The following MAGI1 variants were observed in gnomAD, a reference collection of about 807,000 sequenced individuals.
MAGI1 encodes the protein membrane associated guanylate kinase, WW and PDZ domain containing 1.
In MAGI1, 58 loss-of-function variants were observed where a neutral mutation model predicts 139.9. The ratio of observed to expected loss-of-function variants is 0.41; its 90% CI spans 0.34 to 0.52. MAGI1 has a LOEUF of 0.52. Among genes scored for constraint, MAGI1 ranks in the 20% least tolerant of loss-of-function variants. MAGI1 has a pLI of 0.12. For synonymous variants in MAGI1, 812 were observed against 737.9 expected, an observed-to-expected ratio of 1.10 and a Z score of -1.63; for missense variants, 1,874 against 1,901.6, an observed-to-expected ratio of 0.99 and a Z score of 0.27.
intron 1 of MAGI1, among the ~76,000 whole-genome samples, chr3:65,748,306 T>A (rs1264330522): frequency 1.3e-5 from 2 of 152,202 alleles, no homozygotes; most frequent in African/African-American, 2.4e-5. Context: ...CCATGCCCAC[T>A]TTCTTGTGTG....
chr3:65,854,597 C>T (rs2059311378), intron 1 of MAGI1, among the ~76,000 whole-genome samples: 2 of 152,212 alleles, frequency 1.3e-5, no homozygotes, highest in South Asian at 4.1e-4. Context: ...CATGGAAAAG[C>T]TCAATGCTGT....
rs182523004 is a variant in MAGI1 at position 65,478,995 on chromosome 3, A to G, written c.551-197T>C. Among the ~76,000 whole-genome samples the G allele has an allele frequency of 3.9e-5, 6 of 152,320 alleles. No individual in the cohort carries two copies. The East Asian group carries it at 1.2e-3, about 29-fold the overall frequency. ...CTAGACACAGTAATTTCAGATGGGA[A>G]GAGGAAAGCTGTATTGTTTTAGTGC... is the stretch of plus-strand genomic sequence containing the variant. On this transcript the variant is annotated intron_variant, in intron 3 of 22. Coordinates refer to ENST00000402939, the MANE Select transcript of MAGI1 (RefSeq NM_001033057.2).
chr3:65,682,172 A>G (rs2087638336), intron 1 of MAGI1, among the ~76,000 whole-genome samples: 1 of 152,184 alleles, frequency 6.6e-6, no homozygotes, highest in South Asian at 2.1e-4. Flanking sequence ...TAGAAAATGA[A>G]TCCAAGATTC....
At chr3:65,634,522 G>C (rs2107181466) in intron 1 of MAGI1, among the ~76,000 whole-genome samples, 1 of 152,266 alleles carries the variant, frequency 6.6e-6, no homozygotes, top group South Asian at 2.1e-4. Context: ...GCTTGCCTTG[G>C]GCATGTTGCT....
chr3:65,780,332 C>CAGTAT (rs1287722276), intron 1 of MAGI1, among the ~76,000 whole-genome samples: 2 of 152,178 alleles, frequency 1.3e-5, no homozygotes, highest in East Asian at 3.8e-4. Context: ...CCTATGCTGT[C>CAGTAT]ATCTTAAGAT....
chr3:65,398,327 C>T (rs1944557442), intron 13 of MAGI1, among the ~76,000 whole-genome samples: 1 of 152,128 alleles, frequency 6.6e-6, no homozygotes, highest in East Asian at 1.9e-4. Context: ...TGGTGAGACT[C>T]CCGCCTCTAC....
chr3:65,470,397 T>C lies in MAGI1; in HGVS notation c.845A>G (p.Asp282Gly). Residue 282 changes from aspartate to glycine, a missense_variant, in exon 5 of 23, where the codon GAC becomes GGC. Coordinates refer to ENST00000402939, the MANE Select transcript of MAGI1 (RefSeq NM_001033057.2). Reference sequence around the variant, plus strand: ...GTATTGAGGGAACTTCTGAGAAGGGTCCGTGATGGGAGCAGCGATGATGCT... The same window carrying C: ...GTATTGAGGGAACTTCTGAGAAGGGCCCGTGATGGGAGCAGCGATGATGCT... ...NSSIIAAPITDPSQKFPQYLP... is the reference protein window; with the variant it reads ...NSSIIAAPITGPSQKFPQYLP... The C allele has an allele frequency of 6.2e-7, 1 of 1,613,864 alleles. No homozygotes were observed. Among genetic ancestry groups the C allele is most frequent in the Non-Finnish European group, 8.5e-7 (1 of 1,179,890 alleles).
chr3:65,784,890 T>C (rs577657388), intron 1 of MAGI1, among the ~76,000 whole-genome samples: 2 of 152,272 alleles, frequency 1.3e-5, no homozygotes, highest in Admixed American at 6.5e-5. Context: ...GCCCTTTAGA[T>C]GAAATGTCCA....
intron 1 of MAGI1, among the ~76,000 whole-genome samples, chr3:65,969,045 C>T (rs1175706541): frequency 2.6e-5 from 4 of 152,212 alleles, no homozygotes; most frequent in Non-Finnish European, 5.9e-5. Flanking sequence ...AAAAGGCTAA[C>T]ACTCAGCTCA....
At chr3:65,737,401 A>C (rs2034859466) in intron 1 of MAGI1, among the ~76,000 whole-genome samples, 1 of 152,248 alleles carries the variant, frequency 6.6e-6, no homozygotes, top group Non-Finnish European at 1.5e-5. Flanking sequence ...CTTAAATTTA[A>C]TGAATAAAAG....
In MAGI1 at chr3:65,905,216, AGTT is replaced by A. The variant is rs2061388795; in HGVS notation, c.313+132777_313+132779del. 2.0e-5 allele frequency among the ~76,000 whole-genome samples: 3 copies of A among 152,218 alleles called. No homozygotes were observed. In the South Asian group the frequency reaches 6.2e-4, roughly 31 times the overall value. ...GTTTTAGAGCACTGCTTCTCAAACT[AGTT>A]GTGAGAAAGGACCAGCTGTTTCTTA... On this transcript the variant is annotated intron_variant, in intron 1 of 22. Coordinates refer to ENST00000402939, the MANE Select transcript of MAGI1 (RefSeq NM_001033057.2).
chr3:65,535,836 T>G (rs1232611517), intron 2 of MAGI1, among the ~76,000 whole-genome samples: 1 of 152,242 alleles, frequency 6.6e-6, no homozygotes, highest in Non-Finnish European at 1.5e-5. Context: ...CTTGACAGCT[T>G]AAAGTCAAAA....
At chr3:65,533,256 G>A (rs1035266244) in intron 2 of MAGI1, among the ~76,000 whole-genome samples, 1 of 152,158 alleles carries the variant, frequency 6.6e-6, no homozygotes, top group Non-Finnish European at 1.5e-5. Flanking sequence ...CTTATTGGGT[G>A]GAGACACTGT....
At chr3:65,776,876 G>C in intron 1 of MAGI1, among the ~76,000 whole-genome samples, 1 of 152,128 alleles carries the variant, frequency 6.6e-6, no homozygotes, top group Non-Finnish European at 1.5e-5. Flanking sequence ...TCCATCGCTG[G>C]CTGCTTCATT....
intron 2 of MAGI1, among the ~76,000 whole-genome samples, chr3:65,569,416 G>A (rs1326098678): frequency 6.6e-6 from 1 of 152,072 alleles, no homozygotes; most frequent in East Asian, 1.9e-4. Context: ...CACTTAAAAT[G>A]GTTAAAATGG....
At chr3:65,542,796 C>T (rs955288856) in intron 2 of MAGI1, among the ~76,000 whole-genome samples, 2 of 152,050 alleles carry the variant, frequency 1.3e-5, no homozygotes, top group Non-Finnish European at 2.9e-5. Flanking sequence ...AACCATAAAA[C>T]CATAGAAGAA....
At chr3:65,852,902 G>A (rs946698331) in intron 1 of MAGI1, among the ~76,000 whole-genome samples, 2 of 151,226 alleles carry the variant, frequency 1.3e-5, no homozygotes, top group Admixed American at 6.6e-5. Flanking sequence ...TTCGGAAGCC[G>A]AGGTGGGCAG....
At chr3:65,971,850 T>C (rs1296832708) in intron 1 of MAGI1, among the ~76,000 whole-genome samples, 1 of 152,162 alleles carries the variant, frequency 6.6e-6, no homozygotes, top group Non-Finnish European at 1.5e-5. Flanking sequence ...TTTTTATTTT[T>C]CCTAAGGAGC....
At chr3:65,477,711 A>ATTAT (rs376492339) in intron 4 of MAGI1, among the ~76,000 whole-genome samples, 194 of 141,608 alleles carry the variant, frequency 1.4e-3, no homozygotes, top group African/African-American at 4.7e-3. Flanking sequence ...TATTATTATT[A>ATTAT]TTTTTTTTTT....
Sources: allele counts gnomAD v4.1 joint callset (sites outside exome capture counted in the v4.1 genomes callset), GRCh38; gene constraint gnomAD v4.1.1; transcripts MANE v1.5; gene names NCBI Gene and HGNC (gene_info 2026-07-23, HGNC 2026-07-21).